The following GATAD2A variants were observed in gnomAD, a reference collection of about 807,000 sequenced individuals.
The protein encoded by GATAD2A is transcriptional repressor p66-alpha.
GATAD2A carries 12 observed loss-of-function variants against 68.5 expected under a neutral mutation model. The observed-to-expected ratio is 0.18, with a 90% CI of 0.11 to 0.28. The LOEUF (loss-of-function observed/expected upper bound fraction) is 0.28, where lower values mean the gene tolerates loss of function less well. Ranked by LOEUF, GATAD2A falls within the 10% of genes least tolerant of loss-of-function variation. The pLI is 1.00. For missense variants in GATAD2A, 755 were observed against 868.5 expected (o/e 0.87, Z 1.64); for synonymous variants, 410 against 375.3 (o/e 1.09, Z -1.07).
intron 1 of GATAD2A, among the ~76,000 whole-genome samples, chr19:19,425,681 G>A (rs1290826463): frequency 6.6e-6 from 1 of 152,180 alleles, no homozygotes; most frequent in African/African-American, 2.4e-5. Context: ...GCCACACACC[G>A]GCCTGGCAGA....
chr19:19,494,287 CT>C lies in GATAD2A; in HGVS notation c.535-5del. On this transcript the variant is annotated splice_region_variant and splice_polypyrimidine_tract_variant and intron_variant, in intron 4 of 11. Coordinates refer to ENST00000683918, the MANE Select transcript of GATAD2A (RefSeq NM_001384528.1). The stretch of plus-strand genomic sequence containing the variant: ...CCCTCACCTCCTGGTGTCCTGCTCT[CT>C]TGCAGCCCACAGGTTCTGTTGGGAG... 1 of 1,593,834 alleles carries C rather than the reference CT, an allele frequency of 6.3e-7. No individual in the cohort carries two copies. Among genetic ancestry groups the C allele is most frequent in the Non-Finnish European group, 8.6e-7 (1 of 1,162,320 alleles).
Position 19,497,220 on chromosome 19 carries a change from C to G in GATAD2A, c.924+1001C>G, listed in dbSNP as rs2060212712. ...AGGAGATACTCCTGCGTCAGCCTCC[C>G]AAGTAGCTGGGACTACAGGCGCCTG... On this transcript the variant is annotated intron_variant, in intron 7 of 11. Transcript: ENST00000683918. 1.3e-5 allele frequency among the ~76,000 whole-genome samples: 2 copies of G among 152,200 alleles called. 1 individual carries two copies. Among genetic ancestry groups the G allele is most frequent in the South Asian group, 4.1e-4 (2 of 4,834 alleles).
chr19:19,505,983 T>A lies in GATAD2A; in HGVS notation c.*509T>A. 2.5e-6 allele frequency: 1 copy of A among 399,210 alleles called. No homozygotes were observed. The highest frequency in any genetic ancestry group is 4.4e-6 in the Non-Finnish European group (1 of 226,336). The allele number at this position is 399,210 out of a possible 1,614,324, so 24.7% of individuals were successfully genotyped here. Reference sequence around the variant, plus strand: ...TCTATAAGTTGAAAGATTTTTTTTTTTTTTAATCACCTCATGATGATGGAG... The same window carrying A: ...TCTATAAGTTGAAAGATTTTTTTTTATTTTAATCACCTCATGATGATGGAG... On this transcript the variant is annotated 3_prime_UTR_variant, in exon 12 of 12. Transcript: ENST00000683918.
At chr19:19,422,974 G>A (rs1296428300) in intron 1 of GATAD2A, among the ~76,000 whole-genome samples, 1 of 152,150 alleles carries the variant, frequency 6.6e-6, no homozygotes, top group African/African-American at 2.4e-5. Flanking sequence ...GCCTCCTGAA[G>A]TGCTGGGATT....
At chr19:19,428,888 T>C (rs532432198) in intron 1 of GATAD2A, among the ~76,000 whole-genome samples, 1 of 152,218 alleles carries the variant, frequency 6.6e-6, no homozygotes, top group East Asian at 1.9e-4. Flanking sequence ...GAGGGGGACA[T>C]TGGCCGCGCC....
intron 1 of GATAD2A, among the ~76,000 whole-genome samples, chr19:19,444,551 G>T (rs529174627): frequency 6.6e-6 from 1 of 152,168 alleles, no homozygotes; most frequent in Non-Finnish European, 1.5e-5. Context: ...ACCTTGTGAC[G>T]TTGAGGCCTG....
intron 1 of GATAD2A, 138 bp from the exon 2 acceptor site, chr19:19,465,202 G>C: frequency 4.3e-6 from 3 of 693,154 alleles, no homozygotes; most frequent in Non-Finnish European, 7.7e-6. Flanking sequence ...GCTTTTCTGG[G>C]CCCTGCGTTT....
chr19:19,463,876 G>A (rs926411108), intron 1 of GATAD2A, among the ~76,000 whole-genome samples: 10 of 152,232 alleles, frequency 6.6e-5, no homozygotes, highest in Non-Finnish European at 1.3e-4. Context: ...CTCCAGGAGC[G>A]TGAAGCAGCT....
chr19:19,478,547 T>C (rs1284746849), intron 2 of GATAD2A, among the ~76,000 whole-genome samples: 1 of 151,394 alleles, frequency 6.6e-6, no homozygotes, highest in Non-Finnish European at 1.5e-5. Context: ...TGAGCCGAGA[T>C]CGCACCACTG....
In GATAD2A at chr19:19,506,138, A is replaced by T. The variant is rs145055663; in HGVS notation, c.*664A>T. Reference sequence around the variant, plus strand: ...CAGGGACGGCCGGCCCGCCCCCGTGACTGACTGACAGATGCAGGGATGGCC... The same window carrying T: ...CAGGGACGGCCGGCCCGCCCCCGTGTCTGACTGACAGATGCAGGGATGGCC... On this transcript the variant is annotated 3_prime_UTR_variant, in exon 12 of 12. Coordinates refer to ENST00000683918, the MANE Select transcript of GATAD2A (RefSeq NM_001384528.1). The T allele has an allele frequency of 3.9e-3, 1,555 of 398,876 alleles. 67 individuals carry two copies. The East Asian group carries it at 0.055, about 14-fold the overall frequency. The allele number at this position is 398,876 out of a possible 1,614,324, so 24.7% of individuals were successfully genotyped here. A position where few individuals can be genotyped will look rare whatever the true frequency, so the allele number is the denominator to read the frequency against.
intron 1 of GATAD2A, among the ~76,000 whole-genome samples, chr19:19,389,208 A>T (rs956682915): frequency 6.6e-5 from 10 of 152,076 alleles, no homozygotes; most frequent in African/African-American, 2.4e-4. Flanking sequence ...ACAGGAATGA[A>T]CTCAGTTTGA....
chr19:19,430,458 T>C (rs1402248230), intron 1 of GATAD2A, among the ~76,000 whole-genome samples: 5 of 152,094 alleles, frequency 3.3e-5, no homozygotes, highest in Non-Finnish European at 7.4e-5. Context: ...CGGGAGAAGG[T>C]GAACGGTGTT....
intron 11 of GATAD2A, among the ~76,000 whole-genome samples, 160 bp downstream of exon 11, chr19:19,502,686 A>G (rs1337221186): frequency 6.6e-6 from 1 of 152,208 alleles, no homozygotes. Context: ...CCTAACCAGG[A>G]TACCCTGAAG....
At chr19:19,489,053 A>T (rs2059619661) in intron 2 of GATAD2A, among the ~76,000 whole-genome samples, 2 of 152,240 alleles carry the variant, frequency 1.3e-5, no homozygotes, top group African/African-American at 4.8e-5. Context: ...TTTGAGCCAC[A>T]TGCTCTTTTT....
At chr19:19,468,118 G>A (rs2058016563) in intron 2 of GATAD2A, among the ~76,000 whole-genome samples, 1 of 152,256 alleles carries the variant, frequency 6.6e-6, no homozygotes, top group Admixed American at 6.5e-5. Context: ...AAGTATTTAT[G>A]CCTGTAACTG....
chr19:19,491,576 G>GAGT (rs1254411311), intron 2 of GATAD2A, among the ~76,000 whole-genome samples: 1 of 152,240 alleles, frequency 6.6e-6, no homozygotes, highest in African/African-American at 2.4e-5. Context: ...ACCAGTCCAT[G>GAGT]AGTAGATCAG....
At chr19:19,450,743 T>TAAA (rs3031870) in intron 1 of GATAD2A, among the ~76,000 whole-genome samples, 1 of 125,130 alleles carries the variant, frequency 8.0e-6, no homozygotes. Flanking sequence ...CTCATTACAT[T>TAAA]AAAAAAAAAA....
intron 2 of GATAD2A, among the ~76,000 whole-genome samples, chr19:19,470,577 C>A (rs906644034): frequency 2.6e-5 from 4 of 152,168 alleles, no homozygotes; most frequent in Non-Finnish European, 5.9e-5. Context: ...ATTGGTAGAA[C>A]ATCTAGACAA....
chr19:19,492,835 C>T, intron 4 of GATAD2A, 123 bp downstream of exon 4: 2 of 855,796 alleles, frequency 2.3e-6, no homozygotes. Context: ...AGGGCAAGGT[C>T]CCACTCCCGC....
Sources: allele counts gnomAD v4.1 joint callset (sites outside exome capture counted in the v4.1 genomes callset), GRCh38; gene constraint gnomAD v4.1.1; transcripts MANE v1.5; gene names NCBI Gene and HGNC (gene_info 2026-07-23, HGNC 2026-07-21).